PITPNB: variants seen among roughly 807,000 people sequenced by gnomAD.
PITPNB encodes the protein phosphatidylinositol transfer protein beta.
PITPNB carries 16 observed loss-of-function variants against 45.9 expected under a neutral mutation model. That is an observed-to-expected ratio of 0.35 (90% CI 0.24 to 0.53). PITPNB has a LOEUF of 0.53. Among genes scored for constraint, PITPNB ranks in the 20% least tolerant of loss-of-function variants. The pLI, the probability that PITPNB is intolerant of heterozygous loss-of-function variation, is 0.93. For missense variants in PITPNB, 188 were observed against 330.5 expected, an observed-to-expected ratio of 0.57 and a Z score of 3.34; for synonymous variants, 112 against 108.9, an observed-to-expected ratio of 1.03 and a Z score of -0.18.
intron 10 of PITPNB, among the ~76,000 whole-genome samples, chr22:27,856,894 C>T (rs750412823): frequency 5.9e-5 from 9 of 152,024 alleles, no homozygotes; most frequent in African/African-American, 1.5e-4. Flanking sequence ...GATAGGGTAG[C>T]GAGGGCCAGG....
intron 7 of PITPNB, among the ~76,000 whole-genome samples, chr22:27,893,442 A>C (rs559399770): frequency 4.6e-5 from 7 of 150,986 alleles, no homozygotes; most frequent in Non-Finnish European, 1.0e-4. Flanking sequence ...CCACCACCAT[A>C]CCGGCTAATT....
chr22:27,868,821 A>G (rs534244319), intron 8 of PITPNB, among the ~76,000 whole-genome samples: 1 of 152,334 alleles, frequency 6.6e-6, no homozygotes, highest in Non-Finnish European at 1.5e-5. Flanking sequence ...ATCAAGCCCT[A>G]TAAGGAAGAG....
rs1294301347 is a variant in PITPNB, at chr22:27,911,080, T to A, written c.81A>T (p.Ala27=). The change falls in exon 3 of 12, where the codon GCA becomes GCT. Residue 27 remains alanine, a synonymous_variant. Transcript: ENST00000335272. ...CACCAGTCTCATTCTTACTAGCTTC[T>A]GCAACAGAGTAAAGCTGCCCAACCT... ...EYQVGQLYSV[A]EASKNETGGG... is the part of the protein sequence containing the mutation. 3.7e-6 allele frequency: 6 copies of A among 1,612,950 alleles called. No individual in the cohort carries two copies. In the African/African-American group the frequency reaches 6.7e-5, roughly 18 times the overall value.
chr22:27,911,332 C>T (rs915326221), intron 2 of PITPNB, among the ~76,000 whole-genome samples: 1 of 152,170 alleles, frequency 6.6e-6, no homozygotes, highest in Non-Finnish European at 1.5e-5. Flanking sequence ...TATAAACTTT[C>T]ATTATTCAAA....
chr22:27,856,730 T>C (rs1477882714), intron 10 of PITPNB, among the ~76,000 whole-genome samples: 4 of 152,320 alleles, frequency 2.6e-5, no homozygotes, highest in African/African-American at 9.6e-5. Flanking sequence ...ATCATGGGCT[T>C]AGCGTGTTTG....
At chr22:27,901,868 G>C (rs1935604148) in intron 3 of PITPNB, among the ~76,000 whole-genome samples, 1 of 152,048 alleles carries the variant, frequency 6.6e-6, no homozygotes, top group Non-Finnish European at 1.5e-5. Flanking sequence ...TGGGGACACA[G>C]TGAGACTGTG....
intron 1 of PITPNB, among the ~76,000 whole-genome samples, chr22:27,918,893 A>C (rs1936178268): frequency 6.6e-6 from 1 of 152,026 alleles, no homozygotes; most frequent in Non-Finnish European, 1.5e-5. Context: ...GTCCCAGCGG[A>C]AACTCCCGGC....
At chr22:27,903,865 C>A (rs1935683697) in intron 3 of PITPNB, among the ~76,000 whole-genome samples, 3 of 149,808 alleles carry the variant, frequency 2.0e-5, no homozygotes, top group Admixed American at 2.0e-4. Flanking sequence ...ATACAAATGA[C>A]CAAAAAGCAC....
chr22:27,899,683 A>G (rs1398274409), intron 3 of PITPNB, among the ~76,000 whole-genome samples: 9 of 152,234 alleles, frequency 5.9e-5, no homozygotes, highest in Non-Finnish European at 1.5e-5. Context: ...CCAAGCCAGG[A>G]TAACTGAAAA....
chr22:27,900,096 G>A lies in PITPNB; in HGVS notation c.198-2204C>T, dbSNP rs569563813. ...TGGGTGCCTGCAATCCCAGCTACTC[G>A]GGACACTGAGGCTGAATTGCTTGAA... On this transcript the variant is annotated intron_variant, in intron 3 of 11. Transcript: ENST00000335272. 8.5e-5 allele frequency among the ~76,000 whole-genome samples: 13 copies of A among 152,060 alleles called. No homozygotes were observed. In the South Asian group the frequency reaches 2.3e-3, roughly 27 times the overall value.
intron 11 of PITPNB, 96 bp from the exon 12 acceptor site, chr22:27,853,759 CTT>C (rs1428411036): frequency 1.1e-6 from 1 of 870,746 alleles, no homozygotes; most frequent in Non-Finnish European, 1.9e-6. Flanking sequence ...TGCATCAAAA[CTT>C]TTGGCAGAAA....
chr22:27,904,458 G>A (rs1204169891), intron 3 of PITPNB, among the ~76,000 whole-genome samples: 1 of 152,214 alleles, frequency 6.6e-6, no homozygotes. Context: ...GTGGTTGCCA[G>A]GCACTGGGAG....
At chr22:27,874,121 A>T (rs1934749738) in intron 7 of PITPNB, among the ~76,000 whole-genome samples, 1 of 152,344 alleles carries the variant, frequency 6.6e-6, no homozygotes, top group African/African-American at 2.4e-5. Context: ...ACAGTTTTTT[A>T]AATAATTTAA....
chr22:27,885,857 A>ATCTAT (rs1410127819), intron 7 of PITPNB, among the ~76,000 whole-genome samples: 1 of 152,170 alleles, frequency 6.6e-6, no homozygotes, highest in Non-Finnish European at 1.5e-5. Flanking sequence ...ATTCTCTCTG[A>ATCTAT]TCTACCAAAC....
At chr22:27,885,833 A>G (rs1415689527) in intron 7 of PITPNB, among the ~76,000 whole-genome samples, 1 of 152,230 alleles carries the variant, frequency 6.6e-6, no homozygotes, top group Non-Finnish European at 1.5e-5. Context: ...ACTAGACAGA[A>G]AAAACATTTG....
intron 7 of PITPNB, among the ~76,000 whole-genome samples, chr22:27,889,097 C>T (rs1226555637): frequency 1.3e-5 from 2 of 152,192 alleles, no homozygotes; most frequent in Non-Finnish European, 2.9e-5. Flanking sequence ...TAACGACAAG[C>T]AAGCACAACT....
intron 7 of PITPNB, among the ~76,000 whole-genome samples, chr22:27,890,882 T>C (rs1312394193): frequency 6.6e-6 from 1 of 152,174 alleles, no homozygotes; most frequent in Admixed American, 6.5e-5. Flanking sequence ...CACTGGAATA[T>C]TATTCAGCCA....
In PITPNB at chr22:27,915,700, G is replaced by A. The variant is rs138148304; in HGVS notation, c.21-1353C>T. 9.2e-5 allele frequency among the ~76,000 whole-genome samples: 14 copies of A among 152,196 alleles called. No individual in the cohort carries two copies. In the East Asian group the frequency reaches 2.5e-3, roughly 27 times the overall value. Reference sequence around the variant, plus strand: ...ACTCTCCATCAAGAATAAACTTTTTGTAAGTCCTTCTATACCTAAAAATTC... The same window carrying A: ...ACTCTCCATCAAGAATAAACTTTTTATAAGTCCTTCTATACCTAAAAATTC... On this transcript the variant is annotated intron_variant, in intron 1 of 11. Transcript: ENST00000335272.
At chr22:27,900,318 G>A (rs903680362) in intron 3 of PITPNB, among the ~76,000 whole-genome samples, 2 of 152,042 alleles carry the variant, frequency 1.3e-5, no homozygotes. Context: ...CCTGATATGT[G>A]AAGAACCTTA....
Sources: allele counts gnomAD v4.1 joint callset (sites outside exome capture counted in the v4.1 genomes callset), GRCh38; gene constraint gnomAD v4.1.1; transcripts MANE v1.5; gene names NCBI Gene and HGNC (gene_info 2026-07-23, HGNC 2026-07-21).